XKR9: variants seen among roughly 807,000 people sequenced by gnomAD.
XKR9 encodes XK-related protein 9.
XKR9 carries 32 observed loss-of-function variants against 32.0 expected under a neutral mutation model. The observed-to-expected ratio is 1.00, with a 90% CI of 0.76 to 1.34. The LOEUF is 1.34. Among genes scored for constraint, XKR9 ranks in the 40% most tolerant of loss-of-function variants. XKR9 has a pLI of 0.00. For missense variants in XKR9, 546 were observed against 429.7 expected (o/e 1.27, Z -2.39); for synonymous variants, 168 against 143.4 (o/e 1.17, Z -1.22).
chr8:70,905,616 C>T, the XKR9 span, among the ~76,000 whole-genome samples: 1 of 152,226 alleles, frequency 6.6e-6, no homozygotes, highest in Admixed American at 6.5e-5. Context: ...CTGAAGCCTT[C>T]TTCTCTCAAC....
the XKR9 span, among the ~76,000 whole-genome samples, chr8:70,967,065 C>CTTTTTTTTTTTTTTT: frequency 0.043 from 4,293 of 100,586 alleles, 634 homozygotes; most frequent in African/African-American, 0.071. Context: ...GATCTTGACT[C>CTTTTTTTTTTTTTTT]TTTTTTTTTT....
chr8:70,862,498 C>T, the XKR9 span, among the ~76,000 whole-genome samples: 1 of 151,484 alleles, frequency 6.6e-6, no homozygotes, highest in African/African-American at 2.4e-5. Context: ...TGAATTGGGC[C>T]AGTACAGATT....
rs1379772260 is a variant in XKR9 at position 70,700,958 on chromosome 8, C to T, written c.273-5975C>T. Reference sequence around the variant, plus strand: ...CTCAGACTGCTGTGCTAGCAATCAGCGAGACTCCGTGGGGCGTAGGACCCT... The same window carrying T: ...CTCAGACTGCTGTGCTAGCAATCAGTGAGACTCCGTGGGGCGTAGGACCCT... On this transcript the variant is annotated intron_variant, in intron 3 of 4. Coordinates refer to ENST00000408926, the MANE Select transcript of XKR9 (RefSeq NM_001011720.2). Among the ~76,000 whole-genome samples the T allele has an allele frequency of 7.2e-5, 11 of 152,166 alleles. No homozygotes were observed. In the East Asian group the frequency reaches 1.4e-3, roughly 19 times the overall value.
chr8:70,792,611 CT>C (rs1322121469), downstream of XKR9, among the ~76,000 whole-genome samples: 3 of 152,052 alleles, frequency 2.0e-5, no homozygotes, highest in African/African-American at 7.2e-5. Flanking sequence ...CTAGACAGGG[CT>C]TTAAGGAGCC....
chr8:70,792,284 T>C (rs1265468291), downstream of XKR9, among the ~76,000 whole-genome samples: 3 of 152,062 alleles, frequency 2.0e-5, no homozygotes, highest in African/African-American at 7.2e-5. Context: ...CAGAGTCTAG[T>C]GGTGGAATCT....
Position 70,734,567 on chromosome 8 carries a change from A to T in XKR9, c.*143A>T. The T allele has an allele frequency of 1.8e-6, 2 of 1,088,882 alleles. No individual in the cohort carries two copies. The highest frequency in any genetic ancestry group is 2.4e-6 in the Non-Finnish European group (2 of 849,260). 67.5% of individuals were successfully genotyped at this position (1,088,882 alleles called of 1,614,324 possible). A position where few individuals can be genotyped will look rare whatever the true frequency, so the allele number is the denominator to read the frequency against. On this transcript the variant is annotated 3_prime_UTR_variant, in exon 5 of 5. Transcript: ENST00000408926. ...AGTGAAATAGGAGATACATAGTAGT[A>T]TTTTATTTTTAAAATTAATTTCTCA...
chr8:70,768,909 G>C (rs1807414929), intron 2 of XKR9, among the ~76,000 whole-genome samples: 1 of 152,014 alleles, frequency 6.6e-6, no homozygotes, highest in South Asian at 2.1e-4. Context: ...CTTTTAATTG[G>C]GGCATTTAGC....
At chr8:70,859,660 CAA>C in the XKR9 span, among the ~76,000 whole-genome samples, 6 of 152,058 alleles carry the variant, frequency 3.9e-5, no homozygotes, top group African/African-American at 1.4e-4. Context: ...TTGGTCATAA[CAA>C]AGAGTGGAAT....
the XKR9 span, among the ~76,000 whole-genome samples, chr8:70,999,622 A>G: frequency 6.6e-6 from 1 of 152,234 alleles, no homozygotes; most frequent in Admixed American, 6.5e-5. Flanking sequence ...TGATTCTCAG[A>G]CTGCCTTTGT....
At chr8:70,838,741 A>G in the XKR9 span, among the ~76,000 whole-genome samples, 1 of 152,130 alleles carries the variant, frequency 6.6e-6, no homozygotes, top group African/African-American at 2.4e-5. Context: ...GTTAGCAAGT[A>G]GACTAACATT....
intron 2 of XKR9, among the ~76,000 whole-genome samples, chr8:70,757,307 T>C (rs1807241026): frequency 6.6e-6 from 1 of 152,138 alleles, no homozygotes; most frequent in Non-Finnish European, 1.5e-5. Context: ...TTCCTCATCA[T>C]CTTTTTTTTC....
the XKR9 span, among the ~76,000 whole-genome samples, chr8:70,901,581 T>C: frequency 6.6e-6 from 1 of 152,196 alleles, no homozygotes; most frequent in African/African-American, 2.4e-5. Flanking sequence ...GACAGGTAGA[T>C]TGTAAAAATT....
chr8:70,720,446 A>G (rs768070217), intron 4 of XKR9, among the ~76,000 whole-genome samples: 10 of 152,142 alleles, frequency 6.6e-5, no homozygotes, highest in Admixed American at 2.6e-4. Flanking sequence ...TGCCATAAAT[A>G]GCTCTTATTA....
chr8:70,731,910 C>T (rs1806679631), intron 4 of XKR9, among the ~76,000 whole-genome samples: 1 of 152,188 alleles, frequency 6.6e-6, no homozygotes, highest in South Asian at 2.1e-4. Flanking sequence ...AAATCAGATT[C>T]CTAATCAAGA....
At chr8:70,925,521 A>G in the XKR9 span, among the ~76,000 whole-genome samples, 1 of 152,240 alleles carries the variant, frequency 6.6e-6, no homozygotes, top group African/African-American at 2.4e-5. Flanking sequence ...GTTTACAAAC[A>G]TAACACTTTT....
At chr8:70,778,310 C>G (rs1233389967) in intron 2 of XKR9, among the ~76,000 whole-genome samples, 4 of 152,242 alleles carry the variant, frequency 2.6e-5, no homozygotes, top group South Asian at 4.1e-4. Flanking sequence ...GTCTATATAT[C>G]TGTTTTGGTA....
chr8:70,846,626 G>A, the XKR9 span, among the ~76,000 whole-genome samples: 1 of 151,916 alleles, frequency 6.6e-6, no homozygotes, highest in Non-Finnish European at 1.5e-5. Context: ...ACTATATGAT[G>A]CCTACAGAAA....
intron 2 of XKR9, among the ~76,000 whole-genome samples, chr8:70,745,187 G>T (rs1387698085): frequency 7.6e-6 from 1 of 131,122 alleles, no homozygotes; most frequent in East Asian, 1.9e-4. Context: ...ATCCTGGTCA[G>T]ATGTTTTGGC....
At chr8:70,798,181 G>A in the XKR9 span, among the ~76,000 whole-genome samples, 3 of 151,860 alleles carry the variant, frequency 2.0e-5, no homozygotes, top group African/African-American at 7.3e-5. Context: ...CAGTGTATAA[G>A]TGTTCCTTTT....
Sources: allele counts gnomAD v4.1 joint callset (sites outside exome capture counted in the v4.1 genomes callset), GRCh38; gene constraint gnomAD v4.1.1; transcripts MANE v1.5; gene names NCBI Gene and HGNC (gene_info 2026-07-23, HGNC 2026-07-21).